The following GRIK1 variants were observed in gnomAD, a reference collection of about 807,000 sequenced individuals.
GRIK1 encodes glutamate ionotropic receptor kainate type subunit 1.
A neutral mutation model predicts 105.7 loss-of-function variants in GRIK1; 69 were observed. The ratio of observed to expected loss-of-function variants is 0.65; its 90% CI spans 0.54 to 0.80. GRIK1 has a LOEUF of 0.80. GRIK1 is among the 30% of genes least tolerant of loss of function. The pLI is 0.00. For missense variants in GRIK1, 1,109 were observed against 1,167.3 expected (o/e 0.95, Z 0.73); for synonymous variants, 438 against 431.3 (o/e 1.02, Z -0.19).
chr21:29,712,329 T>C (rs1488789627), intron 1 of GRIK1, among the ~76,000 whole-genome samples: 1 of 152,104 alleles, frequency 6.6e-6, no homozygotes, highest in Admixed American at 6.5e-5. Flanking sequence ...AAAAATAACG[T>C]TTCAATGAAT....
Position 29,916,697 on chromosome 21 carries a change from T to C in GRIK1, c.118+22686A>G, listed in dbSNP as rs55854526. Among the ~76,000 whole-genome samples the C allele has an allele frequency of 2.8e-3, 423 of 152,024 alleles. 2 individuals carry two copies. Among genetic ancestry groups the C allele is most frequent in the African/African-American group, 9.1e-3 (378 of 41,454 alleles). The stretch of plus-strand genomic sequence containing the variant: ...TTCATCTTATTGTGACTAAATCTCT[T>C]GTAAGAACTCTGTCTCCACTTCAGA... On this transcript the variant is annotated intron_variant, in intron 1 of 17. Transcript: ENST00000327783.
chr21:29,768,443 AC>A lies in GRIK1; in HGVS notation c.119-74381del, dbSNP rs562454467. On this transcript the variant is annotated intron_variant, in intron 1 of 17. Transcript: ENST00000327783. ...GAGAAAGACGATACAACGATGCATT[AC>A]TGAGCTGTCCACCACTATAAATACC... Among the ~76,000 whole-genome samples, 30 of 152,298 alleles carry A rather than the reference AC, an allele frequency of 2.0e-4. No individual in the cohort carries two copies. In the East Asian group the frequency reaches 5.0e-3, roughly 26 times the overall value.
intron 1 of GRIK1, among the ~76,000 whole-genome samples, chr21:29,904,720 G>A (rs1006695980): frequency 2.7e-4 from 41 of 152,260 alleles, no homozygotes; most frequent in African/African-American, 8.9e-4. Flanking sequence ...GCATGTGGCA[G>A]AGCTATGGAA....
chr21:29,583,959 ACT>A (rs1374093976), intron 12 of GRIK1, among the ~76,000 whole-genome samples: 2 of 152,302 alleles, frequency 1.3e-5, no homozygotes, highest in East Asian at 3.9e-4. Flanking sequence ...TCCCCAAATG[ACT>A]CTCAAGAAAT....
chr21:29,573,340 G>A (rs1292596862), intron 14 of GRIK1, among the ~76,000 whole-genome samples: 12 of 152,186 alleles, frequency 7.9e-5, no homozygotes, highest in Non-Finnish European at 1.0e-4. Context: ...CAGTGGAAGT[G>A]CATTATCCAA....
chr21:29,731,643 G>C (rs753708304), intron 1 of GRIK1, among the ~76,000 whole-genome samples: 2 of 152,164 alleles, frequency 1.3e-5, no homozygotes, highest in Non-Finnish European at 2.9e-5. Flanking sequence ...AAATTGAGAT[G>C]TCTGTGGTGT....
intron 1 of GRIK1, among the ~76,000 whole-genome samples, chr21:29,736,305 CACTCAACTGG>C (rs1234313924): frequency 1.3e-5 from 2 of 151,910 alleles, no homozygotes; most frequent in Non-Finnish European, 2.9e-5. Context: ...CAGCAGCCTC[CACTCAACTGG>C]ACTCAACTGG....
intron 16 of GRIK1, among the ~76,000 whole-genome samples, chr21:29,542,037 G>A (rs2089981007): frequency 3.3e-5 from 1 of 29,868 alleles, no homozygotes; most frequent in South Asian, 2.2e-3. Flanking sequence ...TGTAGAGTGT[G>A]TGTGTGTGTG....
chr21:29,632,154 G>C (rs1196441592), intron 7 of GRIK1, among the ~76,000 whole-genome samples: 1 of 152,098 alleles, frequency 6.6e-6, no homozygotes, highest in Non-Finnish European at 1.5e-5. Flanking sequence ...CATGTTATCT[G>C]TGAGAAGTTT....
At chr21:29,866,202 A>T (rs905044048) in intron 1 of GRIK1, among the ~76,000 whole-genome samples, 1 of 151,992 alleles carries the variant, frequency 6.6e-6, no homozygotes, top group African/African-American at 2.4e-5. Flanking sequence ...AGTAGCTGGG[A>T]CTAGGCAAAC....
chr21:29,850,718 C>G (rs2068277834), intron 1 of GRIK1, among the ~76,000 whole-genome samples: 1 of 152,162 alleles, frequency 6.6e-6, no homozygotes, highest in South Asian at 2.1e-4. Context: ...TTATTAAGAA[C>G]CAAAACTACT....
chr21:29,822,715 A>G (rs12482283), intron 1 of GRIK1, among the ~76,000 whole-genome samples: 12,010 of 152,094 alleles, frequency 0.079, 521 homozygotes, highest in Non-Finnish European at 0.092. Flanking sequence ...CTATAGAATA[A>G]AACCACACAC....
chr21:29,876,364 A>G (rs55674707), intron 1 of GRIK1, among the ~76,000 whole-genome samples: 1,590 of 152,136 alleles, frequency 0.01, 25 homozygotes, highest in African/African-American at 0.036. Flanking sequence ...TTTACATCAA[A>G]TACATTATTT....
At chr21:29,686,648 T>G (rs920115462) in intron 3 of GRIK1, among the ~76,000 whole-genome samples, 1 of 152,244 alleles carries the variant, frequency 6.6e-6, no homozygotes, top group Non-Finnish European at 1.5e-5. Flanking sequence ...ATATTGTCCG[T>G]GTGCTTGCTT....
At chr21:29,652,353 C>T (rs1012639987) in intron 5 of GRIK1, among the ~76,000 whole-genome samples, 4 of 152,148 alleles carry the variant, frequency 2.6e-5, no homozygotes, top group South Asian at 2.1e-4. Context: ...AAAATCATCT[C>T]CTGGCTTGTT....
intron 5 of GRIK1, among the ~76,000 whole-genome samples, chr21:29,654,031 C>G (rs1186444541): frequency 1.3e-5 from 2 of 152,024 alleles, no homozygotes; most frequent in African/African-American, 2.4e-5. Context: ...CTGTTACTGA[C>G]CCCCCCAGAA....
intron 1 of GRIK1, among the ~76,000 whole-genome samples, chr21:29,857,265 C>A (rs1030714800): frequency 6.6e-6 from 1 of 152,104 alleles, no homozygotes; most frequent in Non-Finnish European, 1.5e-5. Context: ...ATGAGCAAAG[C>A]GGTAAGTGGC....
chr21:29,560,340 T>C (rs2090378930), intron 15 of GRIK1, among the ~76,000 whole-genome samples: 10 of 118,646 alleles, frequency 8.4e-5, no homozygotes, highest in African/African-American at 2.5e-4. Flanking sequence ...TCTTTCTTTC[T>C]TTCTTTCTTT....
At chr21:29,585,632 C>T (rs2091114927) in intron 12 of GRIK1, among the ~76,000 whole-genome samples, 1 of 152,120 alleles carries the variant, frequency 6.6e-6, no homozygotes, top group Admixed American at 6.5e-5. Context: ...GCATGAATTG[C>T]TCCATCAGTC....
Sources: allele counts gnomAD v4.1 joint callset (sites outside exome capture counted in the v4.1 genomes callset), GRCh38; gene constraint gnomAD v4.1.1; transcripts MANE v1.5; gene names NCBI Gene and HGNC (gene_info 2026-07-23, HGNC 2026-07-21).